AKT2: variants seen among roughly 807,000 people sequenced by gnomAD.
The protein encoded by AKT2 is AKT serine/threonine kinase 2.
A neutral mutation model predicts 58.6 loss-of-function variants in AKT2; 16 were observed. That is an observed-to-expected ratio of 0.27 (90% CI 0.18 to 0.41). The LOEUF is 0.41. Ranked by LOEUF, AKT2 falls within the 10% of genes least tolerant of loss-of-function variation. The pLI, the probability that AKT2 is intolerant of heterozygous loss-of-function variation, is 1.00. For synonymous variants in AKT2, 253 were observed against 254.0 expected, an observed-to-expected ratio of 1.00 and a Z score of 0.04; for missense variants, 438 against 661.0, an observed-to-expected ratio of 0.66 and a Z score of 3.70.
rs1203513292 is a variant in AKT2 at position 40,230,956 on chromosome 19, C to A, written c.*2916G>T. The A allele has an allele frequency of 5.2e-6, 1 of 192,070 alleles. No individual in the cohort carries two copies. Among genetic ancestry groups the A allele is most frequent in the East Asian group, 8.2e-5 (1 of 12,148 alleles). The allele number at this position is 192,070 out of a possible 1,614,324, so 11.9% of individuals were successfully genotyped here. On this transcript the variant is annotated 3_prime_UTR_variant, in exon 14 of 14. Coordinates refer to ENST00000392038, the MANE Select transcript of AKT2 (RefSeq NM_001626.6). ...CAGGCTGGTCTCGAACCCCTGGCCTCAAGAGACCCGCCCGCCTCGGCCTCC... is the reference window on the plus strand; with the variant it reads ...CAGGCTGGTCTCGAACCCCTGGCCTAAAGAGACCCGCCCGCCTCGGCCTCC...
At chr19:40,271,068 G>A (rs774172820) in intron 1 of AKT2, among the ~76,000 whole-genome samples, 21 of 150,940 alleles carry the variant, frequency 1.4e-4, no homozygotes, top group Non-Finnish European at 2.8e-4. Flanking sequence ...GGCCGGGCAC[G>A]GTGGCTCACA....
At chr19:40,243,655 A>C (rs143102020) in intron 4 of AKT2, 2 of 152,362 alleles carry the variant, frequency 1.3e-5, no homozygotes, top group Admixed American at 1.3e-4. Flanking sequence ...TTGGGAGGCC[A>C]AGGTGGACCA....
intron 1 of AKT2, among the ~76,000 whole-genome samples, chr19:40,283,923 C>G (rs1290187858): frequency 2.0e-5 from 3 of 152,186 alleles, no homozygotes; most frequent in Non-Finnish European, 2.9e-5. Context: ...TGTGACCGAG[C>G]TGGTAACTGG....
At chr19:40,257,075 A>C in intron 2 of AKT2, 21 bp from the exon 3 acceptor site, 2 of 1,613,510 alleles carry the variant, frequency 1.2e-6, no homozygotes, top group Non-Finnish European at 1.7e-6. Flanking sequence ...GCAGGAAGGG[A>C]GGGAGAGAGG....
At position 40,238,492 on chromosome 19, in the gene AKT2, A is replaced by G. The variant is rs796184554; in HGVS notation, c.709-401T>C. ...AGGCGCGAGGCAAGGAGTGGGTGAC[A>G]AAAGTGAGGCGACTCTGTAAGGGGA... On this transcript the variant is annotated intron_variant, in intron 8 of 13. Coordinates refer to ENST00000392038, the MANE Select transcript of AKT2 (RefSeq NM_001626.6). The surrounding 1 kb of genome is among the most constrained non-coding windows in gnomAD (Gnocchi z 5.1). 2.0e-5 allele frequency among the ~76,000 whole-genome samples: 3 copies of G among 152,318 alleles called. No individual in the cohort carries two copies. The highest frequency in any genetic ancestry group is 7.2e-5 in the African/African-American group (3 of 41,570).
At chr19:40,251,535 C>T (rs531248498) in intron 4 of AKT2, among the ~76,000 whole-genome samples, 2 of 152,074 alleles carry the variant, frequency 1.3e-5, no homozygotes, top group South Asian at 2.1e-4. Flanking sequence ...TACAAGACAA[C>T]TAGCCTGGCT....
Position 40,242,902 on chromosome 19 carries a change from A to G in AKT2, c.288-215T>C, listed in dbSNP as rs1320159372. On this transcript the variant is annotated intron_variant, in intron 4 of 13. Transcript: ENST00000392038. This position sits in a 1 kb window ranked among gnomAD's most constrained non-coding sequence, Gnocchi z 4.3. ...AGTGGCTCATGCCTATAATCCCAGCACTTTGGGAGGCTGAGGCGGATGGAT... is the reference window on the plus strand; with the variant it reads ...AGTGGCTCATGCCTATAATCCCAGCGCTTTGGGAGGCTGAGGCGGATGGAT... The G allele has an allele frequency of 5.3e-6, 3 of 567,314 alleles. No homozygotes were observed. Among genetic ancestry groups the G allele is most frequent in the Non-Finnish European group, 9.5e-6 (3 of 314,862 alleles). 35.1% of individuals were successfully genotyped at this position (567,314 alleles called of 1,614,324 possible). A position where few individuals can be genotyped will look rare whatever the true frequency, so the allele number is the denominator to read the frequency against.
At chr19:40,253,207 C>A (rs1178178957) in intron 4 of AKT2, among the ~76,000 whole-genome samples, 2 of 152,192 alleles carry the variant, frequency 1.3e-5, no homozygotes, top group Non-Finnish European at 2.9e-5. Context: ...CAGGTGCCTA[C>A]TGGACAGTGC....
At chr19:40,236,674 A>T (rs1400926760) in intron 9 of AKT2, 3 of 454,582 alleles carry the variant, frequency 6.6e-6, no homozygotes, top group African/African-American at 6.0e-5. Context: ...CTTATTTCGA[A>T]CGTGGGGGCA....
intron 2 of AKT2, 30 bp from the exon 3 acceptor site, chr19:40,257,084 G>A (rs1391016662): frequency 6.2e-7 from 1 of 1,613,112 alleles, no homozygotes; most frequent in Non-Finnish European, 8.5e-7. Flanking sequence ...GAGGGAGAGA[G>A]GTTAGGACAA....
In AKT2 at chr19:40,235,447, TTC is replaced by T; in HGVS notation, c.1176-99_1176-98del. 4 of 1,095,584 alleles carry T rather than the reference TTC, an allele frequency of 3.7e-6. No homozygotes were observed. The highest frequency in any genetic ancestry group is 5.5e-6 in the Non-Finnish European group (4 of 728,488). 67.9% of individuals were successfully genotyped at this position (1,095,584 alleles called of 1,614,324 possible). A position where few individuals can be genotyped will look rare whatever the true frequency, so the allele number is the denominator to read the frequency against. The stretch of plus-strand genomic sequence containing the variant: ...GCAGGCCCTGTATGGCCCTTAATGA[TTC>T]TGTCTTGACCACAAACCACTTCACA... On this transcript the variant is annotated intron_variant, in intron 11 of 13. Transcript: ENST00000392038. This position sits in a 1 kb window ranked among gnomAD's most constrained non-coding sequence, Gnocchi z 6.3.
At chr19:40,285,052 T>C in intron 1 of AKT2, 129 bp downstream of exon 1, 1 of 346,824 alleles carries the variant, frequency 2.9e-6, no homozygotes. Context: ...ACTCAGCTCC[T>C]GAAGGAGGGG....
rs552372501 is a variant in AKT2 at position 40,243,045 on chromosome 19, G to A, written c.288-358C>T. The A allele has an allele frequency of 3.8e-5, 12 of 316,784 alleles. No individual in the cohort carries two copies. The East Asian group carries it at 9.1e-4, about 24-fold the overall frequency. The allele number at this position is 316,784 out of a possible 1,614,324, so 19.6% of individuals were successfully genotyped here. A position where few individuals can be genotyped will look rare whatever the true frequency, so the allele number is the denominator to read the frequency against. ...TAATCCCAGCTACTCAGGAGGCTGA[G>A]GCAGGAGAATTGCTTGAACCCGGGA... On this transcript the variant is annotated intron_variant, in intron 4 of 13. Transcript: ENST00000392038.
At chr19:40,260,376 A>G (rs763789926) in intron 2 of AKT2, among the ~76,000 whole-genome samples, 58 of 152,130 alleles carry the variant, frequency 3.8e-4, no homozygotes, top group Non-Finnish European at 7.1e-4. Context: ...TCACGCCTGT[A>G]ATCCCAGCAC....
At position 40,232,885 on chromosome 19, in the gene AKT2, G is replaced by C. The variant is rs1478704396; in HGVS notation, c.*987C>G. ...AGAGGGAGGGGTGAGGGGGGCCTAG[G>C]AGCCTCCCTTTTCAGAGGCCCCCCA... is the stretch of plus-strand genomic sequence containing the variant. On this transcript the variant is annotated 3_prime_UTR_variant, in exon 14 of 14. Transcript: ENST00000392038. 4.3e-6 allele frequency: 1 copy of C among 234,284 alleles called. No individual in the cohort carries two copies. 14.5% of individuals were successfully genotyped at this position (234,284 alleles called of 1,614,324 possible).
intron 1 of AKT2, among the ~76,000 whole-genome samples, chr19:40,276,354 T>C (rs1600110902): frequency 2.9e-5 from 1 of 34,138 alleles, no homozygotes; most frequent in East Asian, 8.5e-4. Flanking sequence ...TCTTTTTTTT[T>C]TTTTTTTTTT....
In AKT2 at chr19:40,231,018, C is replaced by T. The variant is rs1051391668; in HGVS notation, c.*2854G>A. ...GATTACAGGCATGAGCCACTGTGCCCAGTCACTGTTCTTTATATACAAAAA... is the reference window on the plus strand; with the variant it reads ...GATTACAGGCATGAGCCACTGTGCCTAGTCACTGTTCTTTATATACAAAAA... On this transcript the variant is annotated 3_prime_UTR_variant, in exon 14 of 14. Coordinates refer to ENST00000392038, the MANE Select transcript of AKT2 (RefSeq NM_001626.6). The T allele has an allele frequency of 4.8e-6, 1 of 206,758 alleles. No individual in the cohort carries two copies. Among genetic ancestry groups the T allele is most frequent in the Non-Finnish European group, 9.9e-6 (1 of 101,442 alleles). The allele number at this position is 206,758 out of a possible 1,614,324, so 12.8% of individuals were successfully genotyped here.
chr19:40,235,034 C>T lies in AKT2; in HGVS notation c.1366+11G>A. Reference sequence around the variant, plus strand: ...GGCAGGCACACCAGCGCGGGGGCCCCAGGCACTCACAGCGGTCAGGGGGTG... The same window carrying T: ...GGCAGGCACACCAGCGCGGGGGCCCTAGGCACTCACAGCGGTCAGGGGGTG... On this transcript the variant is annotated intron_variant, in intron 13 of 13. Coordinates refer to ENST00000392038, the MANE Select transcript of AKT2 (RefSeq NM_001626.6). This position sits in a 1 kb window ranked among gnomAD's most constrained non-coding sequence, Gnocchi z 6.3. 1.2e-6 allele frequency: 2 copies of T among 1,613,670 alleles called. No individual in the cohort carries two copies. The highest frequency in any genetic ancestry group is 4.5e-5 in the East Asian group (2 of 44,866).
rs1031505604 is a variant in AKT2 at position 40,232,759 on chromosome 19, G to A, written c.*1113C>T. On this transcript the variant is annotated 3_prime_UTR_variant, in exon 14 of 14. Transcript: ENST00000392038. Reference sequence around the variant, plus strand: ...ACACACCCACGTGTGCCTGCGTCCCGCCGACACACGCAGTCCGAGGCACGC... The same window carrying A: ...ACACACCCACGTGTGCCTGCGTCCCACCGACACACGCAGTCCGAGGCACGC... The A allele has an allele frequency of 3.9e-5, 9 of 233,466 alleles. No individual in the cohort carries two copies. Among genetic ancestry groups the A allele is most frequent in the South Asian group, 1.8e-4 (1 of 5,534 alleles). The allele number at this position is 233,466 out of a possible 1,614,324, so 14.5% of individuals were successfully genotyped here. A position where few individuals can be genotyped will look rare whatever the true frequency, so the allele number is the denominator to read the frequency against.
Sources: allele counts gnomAD v4.1 joint callset (sites outside exome capture counted in the v4.1 genomes callset), GRCh38; gene constraint gnomAD v4.1.1; non-coding constraint Gnocchi (gnomAD v3.1); transcripts MANE v1.5; gene names NCBI Gene and HGNC (gene_info 2026-07-23, HGNC 2026-07-21).